RETREG1: variants seen among roughly 807,000 people sequenced by gnomAD.
The protein encoded by RETREG1 is reticulophagy regulator 1.
In RETREG1, 44 loss-of-function variants were observed where a neutral mutation model predicts 54.8. The observed-to-expected ratio is 0.80, with a 90% CI of 0.63 to 1.03. The LOEUF (loss-of-function observed/expected upper bound fraction) is 1.03. Among genes scored for constraint, RETREG1 ranks in the 50% least tolerant of loss-of-function variants. RETREG1 has a pLI of 0.00. For synonymous variants in RETREG1, 217 were observed against 238.5 expected (o/e 0.91, Z 0.83); for missense variants, 554 against 605.1 (o/e 0.92, Z 0.89).
intron 3 of RETREG1, among the ~76,000 whole-genome samples, chr5:16,524,028 C>T (rs1314130378): frequency 6.6e-6 from 1 of 152,154 alleles, no homozygotes; most frequent in East Asian, 1.9e-4. Context: ...CTGGTCCAAC[C>T]CTGCCCCGCC....
At chr5:16,613,377 T>A (rs1233789213) in intron 1 of RETREG1, among the ~76,000 whole-genome samples, 2 of 152,352 alleles carry the variant, frequency 1.3e-5, no homozygotes, top group East Asian at 1.9e-4. Context: ...GGTTTAAGCA[T>A]GATCTCCTTA....
At chr5:16,548,669 G>T (rs532459881) in intron 3 of RETREG1, among the ~76,000 whole-genome samples, 1 of 152,192 alleles carries the variant, frequency 6.6e-6, no homozygotes, top group African/African-American at 2.4e-5. Flanking sequence ...ATGAACAGCT[G>T]ATTAAGAAAA....
At chr5:16,530,480 G>A (rs1354936668) in intron 3 of RETREG1, among the ~76,000 whole-genome samples, 3 of 152,316 alleles carry the variant, frequency 2.0e-5, no homozygotes, top group Admixed American at 6.5e-5. Flanking sequence ...TGTGTATAAA[G>A]TGGCTTAAAT....
intron 3 of RETREG1, among the ~76,000 whole-genome samples, chr5:16,495,061 C>A (rs1001650273): frequency 6.6e-6 from 1 of 152,124 alleles, no homozygotes; most frequent in Non-Finnish European, 1.5e-5. Context: ...CTGCATTGTG[C>A]CCCTGCCCTG....
At chr5:16,513,355 A>G (rs1281742628) in intron 3 of RETREG1, among the ~76,000 whole-genome samples, 1 of 152,188 alleles carries the variant, frequency 6.6e-6, no homozygotes, top group Non-Finnish European at 1.5e-5. Context: ...CAGCAGCCAC[A>G]GTGGGGAAAC....
intron 3 of RETREG1, among the ~76,000 whole-genome samples, chr5:16,524,720 C>G (rs964038741): frequency 3.3e-5 from 5 of 152,256 alleles, no homozygotes; most frequent in African/African-American, 1.2e-4. Context: ...ACTCCAGCTT[C>G]TGTGTCCTTC....
At chr5:16,510,355 G>T (rs1740129770) in intron 3 of RETREG1, among the ~76,000 whole-genome samples, 1 of 152,188 alleles carries the variant, frequency 6.6e-6, no homozygotes, top group African/African-American at 2.4e-5. Flanking sequence ...ACAGTCATAG[G>T]CTGAGCTCTG....
At chr5:16,614,804 A>G (rs944627749) in intron 1 of RETREG1, among the ~76,000 whole-genome samples, 1 of 152,342 alleles carries the variant, frequency 6.6e-6, no homozygotes, top group African/African-American at 2.4e-5. Context: ...ACATCCTTAC[A>G]ATAGAATTCT....
At chr5:16,523,435 G>A (rs1273636755) in intron 3 of RETREG1, among the ~76,000 whole-genome samples, 1 of 152,026 alleles carries the variant, frequency 6.6e-6, no homozygotes, top group Non-Finnish European at 1.5e-5. Flanking sequence ...GGAGTTGTCT[G>A]ATGTTTTTCT....
At chr5:16,616,528 G>T in intron 1 of RETREG1, 124 bp downstream of exon 1, 1 of 1,462,524 alleles carries the variant, frequency 6.8e-7, no homozygotes, top group Non-Finnish European at 9.1e-7. Context: ...GAGAAAGTGG[G>T]GCAGGGCTGA....
chr5:16,490,168 C>G (rs1012690930), intron 3 of RETREG1, among the ~76,000 whole-genome samples: 2 of 151,902 alleles, frequency 1.3e-5, no homozygotes, highest in African/African-American at 4.8e-5. Context: ...GTTCTTGGGT[C>G]CTGTTGGGCC....
intron 1 of RETREG1, among the ~76,000 whole-genome samples, chr5:16,599,453 C>G (rs1742991266): frequency 6.6e-6 from 1 of 152,114 alleles, no homozygotes; most frequent in Non-Finnish European, 1.5e-5. Context: ...CACAACCACA[C>G]AGTATTTTGG....
At chr5:16,564,414 G>A (rs1460763048) in intron 3 of RETREG1, among the ~76,000 whole-genome samples, 1 of 152,100 alleles carries the variant, frequency 6.6e-6, no homozygotes, top group Non-Finnish European at 1.5e-5. Flanking sequence ...AAAGCACTTG[G>A]AGCATGAAGC....
At chr5:16,507,674 A>C (rs1350127619) in intron 3 of RETREG1, among the ~76,000 whole-genome samples, 2 of 152,208 alleles carry the variant, frequency 1.3e-5, no homozygotes, top group African/African-American at 2.4e-5. Context: ...AACTGATTAT[A>C]ATTACCACAC....
At chr5:16,484,175 C>T (rs1010406791) in intron 3 of RETREG1, among the ~76,000 whole-genome samples, 20 of 152,078 alleles carry the variant, frequency 1.3e-4, no homozygotes, top group Middle Eastern at 3.4e-3. Flanking sequence ...ATGCATGGGC[C>T]GGCAACCAGC....
At chr5:16,532,484 C>G (rs1740944289) in intron 3 of RETREG1, among the ~76,000 whole-genome samples, 1 of 152,188 alleles carries the variant, frequency 6.6e-6, no homozygotes, top group Admixed American at 6.5e-5. Context: ...CGAGATTGCA[C>G]CACTGCACTT....
Position 16,478,857 on chromosome 5 carries a change from C to G in RETREG1, c.801G>C (p.Glu267Asp). 3.1e-6 allele frequency: 5 copies of G among 1,611,866 alleles called. No individual in the cohort carries two copies. The highest frequency in any genetic ancestry group is 3.4e-6 in the Non-Finnish European group (4 of 1,178,494). Reference sequence around the variant, plus strand: ...AATATAAACTTTACCTACCAGATCTCTCACGTTTCTTCTGATTAATATATT... The same window carrying G: ...AATATAAACTTTACCTACCAGATCTGTCACGTTTCTTCTGATTAATATATT... ...IGEYINQKKR[E>D]RSEADKEKSH... Residue 267 changes from glutamate (E) to aspartate (D), a missense_variant, in exon 6 of 9, where the codon GAG (glutamate) becomes GAC (aspartate). By Grantham distance (45) the Glu-to-Asp change is conservative (BLOSUM62 2). This residue lies in a region of RETREG1 where 347 missense variants were observed against 412.3 expected (regional missense o/e 0.84). Transcript: ENST00000306320.
chr5:16,583,560 G>C (rs1742548323), intron 1 of RETREG1, among the ~76,000 whole-genome samples: 1 of 151,928 alleles, frequency 6.6e-6, no homozygotes, highest in African/African-American at 2.4e-5. Context: ...GTATCCATTT[G>C]ACAAGGAAAA....
intron 5 of RETREG1, 52 bp from the exon 6 acceptor site, chr5:16,479,039 C>G: frequency 6.4e-7 from 1 of 1,568,124 alleles, no homozygotes; most frequent in South Asian, 1.1e-5. Context: ...CAAAAGGCTA[C>G]GTACATTTCA....
Sources: allele counts gnomAD v4.1 joint callset (sites outside exome capture counted in the v4.1 genomes callset), GRCh38; gene constraint gnomAD v4.1.1; regional missense constraint gnomAD v4.1.1; transcripts MANE v1.5; gene names NCBI Gene and HGNC (gene_info 2026-07-23, HGNC 2026-07-21).